Variants in TMEM154 observed in about 807,000 individuals in gnomAD.
TMEM154 encodes transmembrane protein 154.
Under a neutral mutation model 24.5 loss-of-function variants are expected in TMEM154, and 27 were observed. That is an observed-to-expected ratio of 1.10 (90% CI 0.81 to 1.52). TMEM154 has a LOEUF of 1.52. TMEM154 is among the 40% of genes most tolerant of loss of function. The pLI, the probability that TMEM154 is intolerant of heterozygous loss-of-function variation, is 0.00. For synonymous variants in TMEM154, 67 were observed against 76.8 expected, an observed-to-expected ratio of 0.87 and a Z score of 0.67; for missense variants, 228 against 213.4, an observed-to-expected ratio of 1.07 and a Z score of -0.43.
At chr4:152,642,597 T>C (rs1470752323) in intron 5 of TMEM154, among the ~76,000 whole-genome samples, 1 of 152,232 alleles carries the variant, frequency 6.6e-6, no homozygotes, top group African/African-American at 2.4e-5. Context: ...GTCCACTTAG[T>C]AGCCATTGGC....
chr4:152,662,109 A>G (rs1728624400), intron 1 of TMEM154, among the ~76,000 whole-genome samples: 1 of 152,156 alleles, frequency 6.6e-6, no homozygotes, highest in African/African-American at 2.4e-5. Context: ...TGTGTTTCCA[A>G]CAATACTGCA....
chr4:152,666,829 G>C (rs894032240), intron 1 of TMEM154: 6 of 152,274 alleles, frequency 3.9e-5, no homozygotes, highest in African/African-American at 1.4e-4. Flanking sequence ...CAAGTGGATG[G>C]ATGACACCAC....
intron 6 of TMEM154, among the ~76,000 whole-genome samples, chr4:152,637,725 T>C (rs1478758990): frequency 6.6e-6 from 1 of 152,174 alleles, no homozygotes; most frequent in Non-Finnish European, 1.5e-5. Context: ...TCAAATTAGG[T>C]CTTAAAATGA....
chr4:152,648,726 T>G (rs1163957953), intron 3 of TMEM154, among the ~76,000 whole-genome samples: 1 of 152,198 alleles, frequency 6.6e-6, no homozygotes, highest in Non-Finnish European at 1.5e-5. Context: ...TTTTGAACCT[T>G]GAGACTTTCA....
chr4:152,675,708 C>T (rs373577046), intron 1 of TMEM154, among the ~76,000 whole-genome samples: 46 of 152,276 alleles, frequency 3.0e-4, no homozygotes, highest in African/African-American at 1.0e-3. Flanking sequence ...ATGGCTTGAC[C>T]GTCAAGATAG....
intron 6 of TMEM154, among the ~76,000 whole-genome samples, chr4:152,630,309 C>CAAAAAAAAAAAA (rs56827457): frequency 1.1e-5 from 1 of 91,342 alleles, no homozygotes. Context: ...CACCCTGTCT[C>CAAAAAAAAAAAA]AAAAAAAAAA....
At chr4:152,677,683 G>A (rs549046068) in intron 1 of TMEM154, among the ~76,000 whole-genome samples, 1 of 152,248 alleles carries the variant, frequency 6.6e-6, no homozygotes, top group East Asian at 1.9e-4. Flanking sequence ...GATTATTTAG[G>A]TAATCCCTGC....
At chr4:152,673,813 ATTTTG>A (rs1344905357) in intron 1 of TMEM154, among the ~76,000 whole-genome samples, 2 of 151,962 alleles carry the variant, frequency 1.3e-5, no homozygotes, top group South Asian at 2.1e-4. Context: ...GGTTGCTTTC[ATTTTG>A]TTTTGTTTTG....
At chr4:152,659,927 G>A (rs1401181569) in intron 1 of TMEM154, among the ~76,000 whole-genome samples, 1 of 152,174 alleles carries the variant, frequency 6.6e-6, no homozygotes, top group African/African-American at 2.4e-5. Context: ...GTATGTGCAT[G>A]TGATCTCTCT....
Position 152,619,251 on chromosome 4 carries a change from C to G in TMEM154, c.*9295G>C, listed in dbSNP as rs1751809475. On this transcript the variant is annotated 3_prime_UTR_variant, in exon 7 of 7. Transcript: ENST00000304385. ...AACTAGTTCTACCACCTACTACAGA[C>G]TACTGGACCAGGGGTCTATGTCCAA... The G allele has an allele frequency of 6.6e-6, 1 of 152,208 alleles. No individual in the cohort carries two copies. Among genetic ancestry groups the G allele is most frequent in the East Asian group, 1.9e-4 (1 of 5,200 alleles). 9.4% of individuals were successfully genotyped at this position (152,208 alleles called of 1,614,324 possible). A position where few individuals can be genotyped will look rare whatever the true frequency, so the allele number is the denominator to read the frequency against.
chr4:152,637,963 TA>T (rs1448799129), intron 6 of TMEM154, among the ~76,000 whole-genome samples: 2 of 152,330 alleles, frequency 1.3e-5, no homozygotes, highest in East Asian at 3.9e-4. Context: ...ACTATCCTTT[TA>T]AAAACTTCAG....
intron 1 of TMEM154, among the ~76,000 whole-genome samples, chr4:152,674,339 G>T (rs1206086122): frequency 1.3e-5 from 2 of 152,014 alleles, no homozygotes; most frequent in Non-Finnish European, 2.9e-5. Flanking sequence ...TCACTGAAAT[G>T]ACTTTGGCAA....
At chr4:152,656,719 C>T (rs905132636) in intron 1 of TMEM154, among the ~76,000 whole-genome samples, 4 of 151,780 alleles carry the variant, frequency 2.6e-5, no homozygotes, top group African/African-American at 9.7e-5. Flanking sequence ...GTCGGGAGTT[C>T]AAGACCAGCC....
At chr4:152,645,695 C>A (rs1014159337) in intron 3 of TMEM154, among the ~76,000 whole-genome samples, 3 of 152,200 alleles carry the variant, frequency 2.0e-5, no homozygotes, top group African/African-American at 7.2e-5. Flanking sequence ...AGTGAAGGAA[C>A]ACAACCAGCA....
intron 5 of TMEM154, chr4:152,641,249 C>T (rs1029640988): frequency 2.0e-5 from 8 of 400,922 alleles, no homozygotes; most frequent in African/African-American, 1.3e-4. Flanking sequence ...TTATTCTGTC[C>T]CTGCAGCACC....
At position 152,628,363 on chromosome 4, in the gene TMEM154, T is replaced by G; in HGVS notation, c.*183A>C. 3 of 1,042,662 alleles carry G rather than the reference T, an allele frequency of 2.9e-6. No homozygotes were observed. In the African/African-American group the frequency reaches 4.8e-5, roughly 17 times the overall value. The allele number at this position is 1,042,662 out of a possible 1,614,324, so 64.6% of individuals were successfully genotyped here. A position where few individuals can be genotyped will look rare whatever the true frequency, so the allele number is the denominator to read the frequency against. ...TTTCCTAGTACTTCTCAATTGCACA[T>G]TCTTCCAAGTGCAAGTGATGCCATC... On this transcript the variant is annotated 3_prime_UTR_variant, in exon 7 of 7. Coordinates refer to ENST00000304385, the MANE Select transcript of TMEM154 (RefSeq NM_152680.3).
At chr4:152,647,454 G>A (rs1728278920) in intron 3 of TMEM154, 2 of 444,262 alleles carry the variant, frequency 4.5e-6, no homozygotes, top group Admixed American at 6.4e-5. Flanking sequence ...AGCATTGGCT[G>A]ATAAGAGAAA....
At chr4:152,663,283 A>C (rs1728652108) in intron 1 of TMEM154, among the ~76,000 whole-genome samples, 1 of 152,142 alleles carries the variant, frequency 6.6e-6, no homozygotes. Flanking sequence ...TTTTACTGCT[A>C]CTTTACTTCC....
chr4:152,656,849 A>T (rs1305077656), intron 1 of TMEM154, among the ~76,000 whole-genome samples: 1 of 151,956 alleles, frequency 6.6e-6, no homozygotes, highest in Non-Finnish European at 1.5e-5. Context: ...TGAACCTGGG[A>T]GGTGGAGGTT....
Sources: allele counts gnomAD v4.1 joint callset (sites outside exome capture counted in the v4.1 genomes callset), GRCh38; gene constraint gnomAD v4.1.1; transcripts MANE v1.5; gene names NCBI Gene and HGNC (gene_info 2026-07-23, HGNC 2026-07-21).